The following TSEN54 variants were observed in gnomAD, a reference collection of about 807,000 sequenced individuals.
The protein encoded by TSEN54 is tRNA splicing endonuclease subunit 54.
In TSEN54, 55 loss-of-function variants were observed where a neutral mutation model predicts 61.9. The observed-to-expected ratio is 0.89, with a 90% CI of 0.72 to 1.11. TSEN54 has a LOEUF of 1.11. TSEN54 is among the 50% of genes most tolerant of loss of function. TSEN54 has a pLI of 0.00. For missense variants in TSEN54, 760 were observed against 687.7 expected (o/e 1.11, Z -1.18); for synonymous variants, 304 against 288.7 (o/e 1.05, Z -0.54).
rs750942705 is a variant in TSEN54, at chr17:75,517,581, G to A, written c.394G>A (p.Asp132Asn). The A allele has an allele frequency of 3.7e-6, 6 of 1,613,724 alleles. No homozygotes were observed. In the Admixed American group the frequency reaches 1.0e-4, roughly 27 times the overall value. ...ECGSIHLFHQ[D>N]LPLSIQEAYQ... ...GGGCTCCATCCACCTCTTCCACCAA[G>A]ACCTGCCACTGTCTATCCAGGAAGC... Residue 132 changes from aspartate (D) to asparagine (N), a missense_variant, in exon 5 of 11, where the codon GAC becomes AAC. Asp to Asn is a conservative substitution (Grantham distance 23, BLOSUM62 1). Coordinates refer to ENST00000333213, the MANE Select transcript of TSEN54 (RefSeq NM_207346.3).
intron 8 of TSEN54, chr17:75,522,688 C>G (rs2053441514): frequency 1.9e-6 from 1 of 513,198 alleles, no homozygotes; most frequent in South Asian, 3.0e-5. Context: ...GCTGTCTGCT[C>G]TAAGCCCAGG....
chr17:75,520,399 G>A (rs937678834), intron 6 of TSEN54, among the ~76,000 whole-genome samples: 5 of 139,762 alleles, frequency 3.6e-5, no homozygotes, highest in Non-Finnish European at 4.6e-5. Flanking sequence ...GTGAAACCCT[G>A]TCTCTACTAA....
intron 6 of TSEN54, among the ~76,000 whole-genome samples, chr17:75,520,278 T>A (rs953497696): frequency 2.0e-5 from 3 of 152,136 alleles, no homozygotes; most frequent in African/African-American, 7.2e-5. Flanking sequence ...TATTTAAATC[T>A]AACTTAAATA....
chr17:75,523,471 T>A (rs1362141113), intron 9 of TSEN54, 136 bp downstream of exon 9: 3 of 1,598,202 alleles, frequency 1.9e-6, no homozygotes, highest in African/African-American at 1.3e-5. Context: ...CTCTGAGCAA[T>A]AACTAGTGTT....
intron 6 of TSEN54, among the ~76,000 whole-genome samples, chr17:75,519,692 A>G (rs1290755221): frequency 6.6e-6 from 1 of 151,958 alleles, no homozygotes. Flanking sequence ...CCTCCCAAGT[A>G]GCTGGGATTA....
chr17:75,521,733 G>C lies in TSEN54; in HGVS notation c.652G>C (p.Asp218His). The C allele has an allele frequency of 6.2e-7, 1 of 1,613,048 alleles. No homozygotes were observed. Among genetic ancestry groups the C allele is most frequent in the Non-Finnish European group, 8.5e-7 (1 of 1,179,944 alleles). ...CATTAATAAGAAGGCCAAGGCCCTGGACAACTCCCTGCAACCCAAGAGTCT... is the reference window on the plus strand; with the variant it reads ...CATTAATAAGAAGGCCAAGGCCCTGCACAACTCCCTGCAACCCAAGAGTCT... ...RSINKKAKALDNSLQPKSLAA... is the reference protein window; with the variant it reads ...RSINKKAKALHNSLQPKSLAA... Residue 218 changes from aspartate (D) to histidine (H), a missense_variant, in exon 8 of 11, where the codon GAC (aspartate) becomes CAC (histidine). Coordinates refer to ENST00000333213, the MANE Select transcript of TSEN54 (RefSeq NM_207346.3).
Position 75,522,364 on chromosome 17 carries a change from G to A in TSEN54, c.1252+31G>A, listed in dbSNP as rs1432986640. The A allele has an allele frequency of 1.8e-5, 28 of 1,541,450 alleles. No individual in the cohort carries two copies. The Admixed American group carries it at 5.5e-4, about 30-fold the overall frequency. The stretch of plus-strand genomic sequence containing the variant: ...CCCTCAGCCTGCCACATCTTCGAGG[G>A]CCACTGGCAGCTGAGGAATCACAGG... On this transcript the variant is annotated intron_variant, in intron 8 of 10. Transcript: ENST00000333213.
intron 5 of TSEN54, 71 bp from the exon 6 acceptor site, chr17:75,518,922 CTG>C (rs2053400439): frequency 6.2e-7 from 1 of 1,606,386 alleles, no homozygotes; most frequent in African/African-American, 1.3e-5. Context: ...TGGGGATGGC[CTG>C]TGTCTGGAGA....
At position 75,524,510 on chromosome 17, in the gene TSEN54, T is replaced by G; in HGVS notation, c.*98T>G. The G allele has an allele frequency of 1.3e-6, 2 of 1,496,814 alleles. No homozygotes were observed. 92.7% of individuals were successfully genotyped at this position (1,496,814 alleles called of 1,614,324 possible). A position where few individuals can be genotyped will look rare whatever the true frequency, so the allele number is the denominator to read the frequency against. The stretch of plus-strand genomic sequence containing the variant: ...TGCCTCCTGTACCCAGACTCTAACC[T>G]GTAGCTTCAGAGGCCAGTCTGGGCC... On this transcript the variant is annotated 3_prime_UTR_variant, in exon 11 of 11. Coordinates refer to ENST00000333213, the MANE Select transcript of TSEN54 (RefSeq NM_207346.3).
chr17:75,519,489 A>G (rs564654122), intron 6 of TSEN54, among the ~76,000 whole-genome samples: 9 of 152,326 alleles, frequency 5.9e-5, no homozygotes, highest in Non-Finnish European at 8.8e-5. Flanking sequence ...AAAGGCAGAG[A>G]CCTTCAGACT....
Position 75,521,878 on chromosome 17 carries a change from C to T in TSEN54, c.797C>T (p.Pro266Leu). 1 of 1,610,474 alleles carries T rather than the reference C, an allele frequency of 6.2e-7. No homozygotes were observed. The highest frequency in any genetic ancestry group is 8.5e-7 in the Non-Finnish European group (1 of 1,178,748). The change falls in exon 8 of 11, where the codon CCC (proline) becomes CTC (leucine). Residue 266 changes from proline to leucine, a missense_variant. This residue lies in a region of TSEN54 where 667 missense variants were observed against 577.8 expected (regional missense o/e 1.15). Coordinates refer to ENST00000333213, the MANE Select transcript of TSEN54 (RefSeq NM_207346.3). ...GPFQLLGSLG[P>L]SPGPAREGVG... ...TTTCAGCTTCTGGGGTCCCTGGGCC[C>T]CAGCCCTGGCCCGGCCAGGGAGGGG...
At chr17:75,519,861 C>T (rs1002511678) in intron 6 of TSEN54, among the ~76,000 whole-genome samples, 2 of 152,242 alleles carry the variant, frequency 1.3e-5, no homozygotes, top group African/African-American at 2.4e-5. Context: ...GCATGAGTCA[C>T]CACGCCCAGC....
chr17:75,520,585 C>CAAAAAAAAA (rs200508248), intron 6 of TSEN54, among the ~76,000 whole-genome samples: 4 of 131,740 alleles, frequency 3.0e-5, no homozygotes, highest in African/African-American at 5.9e-5. Flanking sequence ...AACTCTATCT[C>CAAAAAAAAA]AAAAAAAAAA....
Position 75,522,157 on chromosome 17 carries a change from C to T in TSEN54, c.1076C>T (p.Ala359Val). 1 of 1,554,678 alleles carries T rather than the reference C, an allele frequency of 6.4e-7. No individual in the cohort carries two copies. The highest frequency in any genetic ancestry group is 8.7e-7 in the Non-Finnish European group (1 of 1,147,668). ...CGGGAACGGGAGCACCACGCGGAGG[C>T]CGCGCAGTTCCAGGAAGATGTCAAC... is the stretch of plus-strand genomic sequence containing the variant. ...SRREREHHAE[A>V]AQFQEDVNAD... Residue 359 changes from alanine (A) to valine (V), a missense_variant, in exon 8 of 11, where the codon GCC becomes GTC. Transcript: ENST00000333213.
chr17:75,520,359 C>T (rs1311355151), intron 6 of TSEN54, among the ~76,000 whole-genome samples: 6 of 146,666 alleles, frequency 4.1e-5, no homozygotes, highest in Admixed American at 2.8e-4. Flanking sequence ...CGCGTGAGCT[C>T]AGGAGTACGA....
rs2053480011 is a variant in TSEN54 at position 75,524,467 on chromosome 17, C to G, written c.*55C>G. 2 of 1,609,808 alleles carry G rather than the reference C, an allele frequency of 1.2e-6. No homozygotes were observed. Among genetic ancestry groups the G allele is most frequent in the East Asian group, 4.5e-5 (2 of 44,866 alleles). ...CTCCGGGGGACCGGGACTGTCTGTT[C>G]TCAGGGACCATCTCGGCTGCCTCCT... On this transcript the variant is annotated 3_prime_UTR_variant, in exon 11 of 11. Transcript: ENST00000333213.
chr17:75,523,925 C>A (rs996084991), intron 10 of TSEN54, 146 bp downstream of exon 10: 1 of 935,420 alleles, frequency 1.1e-6, no homozygotes, highest in Admixed American at 2.0e-5. Flanking sequence ...CTACACAAGG[C>A]CACACAGCCA....
Position 75,522,352 on chromosome 17 carries a change from A to G in TSEN54, c.1252+19A>G, listed in dbSNP as rs1463580963. 1 of 1,543,584 alleles carries G rather than the reference A, an allele frequency of 6.5e-7. No individual in the cohort carries two copies. Among genetic ancestry groups the G allele is most frequent in the East Asian group, 2.4e-5 (1 of 40,902 alleles). The stretch of plus-strand genomic sequence containing the variant: ...TCCCCAGGTACCCCCTCAGCCTGCC[A>G]CATCTTCGAGGGCCACTGGCAGCTG... On this transcript the variant is annotated intron_variant, in intron 8 of 10. Transcript: ENST00000333213.
At chr17:75,521,315 T>G in intron 6 of TSEN54, 94 bp from the exon 7 acceptor site, 1 of 1,072,280 alleles carries the variant, frequency 9.3e-7, no homozygotes, top group Non-Finnish European at 1.4e-6. Context: ...CCTGGCCCAC[T>G]GACTGTCCTC....
Sources: allele counts gnomAD v4.1 joint callset (sites outside exome capture counted in the v4.1 genomes callset), GRCh38; gene constraint gnomAD v4.1.1; regional missense constraint gnomAD v4.1.1; transcripts MANE v1.5; gene names NCBI Gene and HGNC (gene_info 2026-07-23, HGNC 2026-07-21).